TMPRSS3: variants seen among roughly 807,000 people sequenced by gnomAD.
TMPRSS3 encodes transmembrane serine protease 3.
In TMPRSS3, 55 loss-of-function variants were observed where a neutral mutation model predicts 59.6. The observed-to-expected ratio is 0.92, with a 90% CI of 0.74 to 1.16. The LOEUF (loss-of-function observed/expected upper bound fraction) is 1.16. TMPRSS3 is among the 50% of genes most tolerant of loss of function. The pLI, the probability that TMPRSS3 is intolerant of heterozygous loss-of-function variation, is 0.00. For synonymous variants in TMPRSS3, 257 were observed against 237.7 expected, an observed-to-expected ratio of 1.08 and a Z score of -0.75; for missense variants, 596 against 579.4, an observed-to-expected ratio of 1.03 and a Z score of -0.29.
chr21:42,385,599 G>A, intron 5 of TMPRSS3, 65 bp from the exon 6 acceptor site: 2 of 1,594,828 alleles, frequency 1.3e-6, no homozygotes. Context: ...TTCAACCGAT[G>A]TGCGAGTCAC....
At chr21:42,381,659 A>G (rs1034988358) in intron 9 of TMPRSS3, among the ~76,000 whole-genome samples, 1 of 152,238 alleles carries the variant, frequency 6.6e-6, no homozygotes, top group Non-Finnish European at 1.5e-5. Flanking sequence ...GTGGCACCAG[A>G]CAAAGCACAC....
rs752399941 is a variant in TMPRSS3, at chr21:42,382,065, C to T, written c.952G>A (p.Glu318Lys). The T allele has an allele frequency of 2.5e-6, 4 of 1,614,194 alleles. No individual in the cohort carries two copies. In the Admixed American group the frequency reaches 5.0e-5, roughly 20 times the overall value. Residue 318 changes from glutamate (E) to lysine (K), a missense_variant and splice_region_variant, in exon 9 of 13, where the codon GAA becomes AAA. Coordinates refer to ENST00000644384, the MANE Select transcript of TMPRSS3 (RefSeq NM_001256317.3). ...MKLAGPLTFN[E>K]MIQPVCLPNS... ...GAACCACATAGAGACCCAGATGTACCATTGAACGTGAGTGGCCCGGCCAGC... is the reference window on the plus strand; with the variant it reads ...GAACCACATAGAGACCCAGATGTACTATTGAACGTGAGTGGCCCGGCCAGC...
chr21:42,393,699 C>G (rs1382925681), intron 2 of TMPRSS3, among the ~76,000 whole-genome samples: 1 of 152,154 alleles, frequency 6.6e-6, no homozygotes, highest in Non-Finnish European at 1.5e-5. Context: ...ACAGTAAATA[C>G]AGCACTTAAA....
intron 3 of TMPRSS3, among the ~76,000 whole-genome samples, chr21:42,389,679 C>T (rs181080775): frequency 6.6e-6 from 1 of 152,244 alleles, no homozygotes. Context: ...CTGCCTTTGG[C>T]CACTCCTAAC....
intron 7 of TMPRSS3, 131 bp downstream of exon 7, chr21:42,383,839 A>C: frequency 1.1e-6 from 1 of 944,762 alleles, no homozygotes; most frequent in Non-Finnish European, 1.7e-6. Context: ...GTAGGGGTAC[A>C]CAGAGTTCCC....
intron 7 of TMPRSS3, 135 bp from the exon 8 acceptor site, chr21:42,383,333 A>T (rs1456699914): frequency 1.1e-6 from 1 of 930,562 alleles, no homozygotes; most frequent in Non-Finnish European, 1.7e-6. Flanking sequence ...GCTCTAAGAC[A>T]AGTGCTGCAA....
chr21:42,373,487 C>G (rs2052368628), intron 12 of TMPRSS3, among the ~76,000 whole-genome samples: 1 of 152,226 alleles, frequency 6.6e-6, no homozygotes, highest in Non-Finnish European at 1.5e-5. Context: ...AAACTGCCTC[C>G]AAGACCCTCC....
chr21:42,390,297 C>A (rs775732612), intron 2 of TMPRSS3: 18 of 473,220 alleles, frequency 3.8e-5, no homozygotes, highest in Non-Finnish European at 6.2e-5. Flanking sequence ...CCCAGAAAGA[C>A]ACGTTGAGGT....
intron 1 of TMPRSS3, 31 bp downstream of exon 1, chr21:42,395,911 T>C (rs2052800824): frequency 1.9e-6 from 1 of 517,706 alleles, no homozygotes; most frequent in African/African-American, 1.9e-5. Context: ...GTGGTACACC[T>C]ACCATAAGCA....
At chr21:42,393,158 C>T (rs1420391916) in intron 2 of TMPRSS3, among the ~76,000 whole-genome samples, 2 of 152,074 alleles carry the variant, frequency 1.3e-5, no homozygotes, top group African/African-American at 2.4e-5. Flanking sequence ...GCAAGAGAAT[C>T]GCTTGAACCC....
intron 10 of TMPRSS3, among the ~76,000 whole-genome samples, chr21:42,377,459 C>A (rs1601517126): frequency 6.6e-6 from 1 of 152,374 alleles, no homozygotes; most frequent in Non-Finnish European, 1.5e-5. Flanking sequence ...GGAGCCAGCA[C>A]AGCCCACACT....
At chr21:42,372,912 C>T in intron 12 of TMPRSS3, 133 bp from the exon 13 acceptor site, 1 of 1,117,250 alleles carries the variant, frequency 9.0e-7, no homozygotes, top group Non-Finnish European at 1.3e-6. Flanking sequence ...ACAAGGTTGG[C>T]CTCCCCCTGG....
At chr21:42,391,847 G>T (rs1424031709) in intron 2 of TMPRSS3, among the ~76,000 whole-genome samples, 2 of 152,126 alleles carry the variant, frequency 1.3e-5, no homozygotes, top group African/African-American at 4.8e-5. Flanking sequence ...TACAGTTCTT[G>T]CCCCTAGAAC....
intron 12 of TMPRSS3, among the ~76,000 whole-genome samples, chr21:42,375,131 G>A (rs1294081874): frequency 6.6e-6 from 1 of 151,998 alleles, no homozygotes; most frequent in East Asian, 1.9e-4. Flanking sequence ...CACCGTCTCA[G>A]GTTTCCCCTC....
At position 42,384,613 on chromosome 21, in the gene TMPRSS3, C is replaced by T. The variant is rs8126724; in HGVS notation, c.573-600G>A. Among the ~76,000 whole-genome samples the T allele has an allele frequency of 8.5e-3, 1,302 of 152,360 alleles. 27 individuals carry two copies. The highest frequency in any genetic ancestry group is 0.03 in the African/African-American group (1,240 of 41,570). ...GCCTTTTGAGCCCCAGCTCATCATG[C>T]AAGAGAAAGCTAGTGTCACCAGACT... On this transcript the variant is annotated intron_variant, in intron 6 of 12. Coordinates refer to ENST00000644384, the MANE Select transcript of TMPRSS3 (RefSeq NM_001256317.3).
chr21:42,382,297 C>G (rs1299006282), intron 8 of TMPRSS3, 63 bp from the exon 9 acceptor site: 1 of 1,459,596 alleles, frequency 6.9e-7, no homozygotes, highest in Non-Finnish European at 9.5e-7. Flanking sequence ...TCATTGACCT[C>G]AGGTATCCTG....
chr21:42,395,613 T>C, intron 1 of TMPRSS3, 145 bp from the exon 2 acceptor site: 1 of 615,796 alleles, frequency 1.6e-6, no homozygotes, highest in East Asian at 3.0e-5. Flanking sequence ...AGTCATCTGG[T>C]GAGAATGCAT....
At chr21:42,394,780 A>G (rs1284925049) in intron 2 of TMPRSS3, among the ~76,000 whole-genome samples, 1 of 152,178 alleles carries the variant, frequency 6.6e-6, no homozygotes, top group Non-Finnish European at 1.5e-5. Context: ...AGTCCTGACT[A>G]TCTCTGGTCA....
rs560380002 is a variant in TMPRSS3, at chr21:42,376,505, C to G, written c.1191+36G>C. The G allele has an allele frequency of 4.3e-6, 7 of 1,611,214 alleles. No homozygotes were observed. The East Asian group carries it at 1.6e-4, about 36-fold the overall frequency. On this transcript the variant is annotated intron_variant, in intron 11 of 12. Transcript: ENST00000644384. The stretch of plus-strand genomic sequence containing the variant: ...CGACCTGTCCCAAGGGCTGGGTCAC[C>G]CTGCCACGGCCTCGCCCACCGCTGC...
Sources: allele counts gnomAD v4.1 joint callset (sites outside exome capture counted in the v4.1 genomes callset), GRCh38; gene constraint gnomAD v4.1.1; transcripts MANE v1.5; gene names NCBI Gene and HGNC (gene_info 2026-07-23, HGNC 2026-07-21).